The following IRAK2 variants were observed in gnomAD, a reference collection of about 807,000 sequenced individuals.
IRAK2 encodes interleukin 1 receptor associated kinase 2.
IRAK2 carries 57 observed loss-of-function variants against 72.0 expected under a neutral mutation model. The ratio of observed to expected loss-of-function variants is 0.79; its 90% CI spans 0.64 to 0.99. The LOEUF (loss-of-function observed/expected upper bound fraction) is 0.99, where lower values mean the gene tolerates loss of function less well. IRAK2 is among the 50% of genes least tolerant of loss of function. The probability of loss-of-function intolerance (pLI) is 0.00; values close to 1 mark genes in which losing one functional copy is unlikely to be tolerated. For synonymous variants in IRAK2, 293 were observed against 312.7 expected (o/e 0.94, Z 0.67); for missense variants, 790 against 794.4 (o/e 0.99, Z 0.07).
chr3:10,216,568 G>T (rs1380606395), intron 6 of IRAK2, among the ~76,000 whole-genome samples: 1 of 152,130 alleles, frequency 6.6e-6, no homozygotes. Context: ...AGCAGAAGAG[G>T]ATTTCAGGAA....
At chr3:10,189,326 T>TG (rs1697137047) in intron 2 of IRAK2, among the ~76,000 whole-genome samples, 1 of 152,052 alleles carries the variant, frequency 6.6e-6, no homozygotes, top group South Asian at 2.1e-4. Flanking sequence ...GGGCTGAGGC[T>TG]GGGGACAGGG....
At chr3:10,231,757 C>T (rs1171282414) in intron 10 of IRAK2, among the ~76,000 whole-genome samples, 2 of 152,162 alleles carry the variant, frequency 1.3e-5, no homozygotes, top group Non-Finnish European at 2.9e-5. Flanking sequence ...CTTAAGCATT[C>T]GCCTGCCTCA....
At chr3:10,182,524 G>A (rs1219015829) in intron 2 of IRAK2, among the ~76,000 whole-genome samples, 4 of 149,618 alleles carry the variant, frequency 2.7e-5, no homozygotes, top group Admixed American at 6.7e-5. Flanking sequence ...CACGTGATCC[G>A]CCCGCCTCGG....
chr3:10,205,461 GA>G (rs1295296689), intron 3 of IRAK2, among the ~76,000 whole-genome samples: 1 of 152,182 alleles, frequency 6.6e-6, no homozygotes, highest in Non-Finnish European at 1.5e-5. Context: ...CCCCCAAACT[GA>G]GAGGCCTGGG....
In IRAK2 at chr3:10,177,963, C is replaced by T. The variant is rs138669733; in HGVS notation, c.220C>T (p.Leu74Phe). 166 of 1,613,836 alleles carry T rather than the reference C, an allele frequency of 1.0e-4. No homozygotes were observed. The African/African-American group carries it at 2.0e-3, about 20-fold the overall frequency. The change falls in exon 2 of 13, where the codon CTT (leucine) becomes TTT (phenylalanine). Residue 74 changes from leucine (L) to phenylalanine (F), a missense_variant. Physicochemically the swap from Leu to Phe is conservative, Grantham distance 22. Coordinates refer to ENST00000256458, the MANE Select transcript of IRAK2 (RefSeq NM_001570.4). ...WGMRQATVQQ[L>F]VDLLCRLELY... ...CATGCGGCAGGCCACCGTCCAGCAA[C>T]TTGTGGACCTCCTGTGCCGCCTGGA...
chr3:10,215,751 T>TACACACACACACACACACACACAC (rs145978380), intron 6 of IRAK2, among the ~76,000 whole-genome samples: 2 of 150,026 alleles, frequency 1.3e-5, no homozygotes, highest in African/African-American at 4.9e-5. Context: ...CTCACATGTG[T>TACACACACACACACACACACACAC]ACACACACAC....
At chr3:10,226,229 T>C in intron 9 of IRAK2, 142 bp from the exon 10 acceptor site, 3 of 575,944 alleles carry the variant, frequency 5.2e-6, no homozygotes, top group Admixed American at 6.1e-5. Context: ...TATTCCCATG[T>C]TCCAGATTTT....
At chr3:10,213,043 C>T (rs780011845) in intron 4 of IRAK2, among the ~76,000 whole-genome samples, 164 bp from the exon 5 acceptor site, 6 of 152,126 alleles carry the variant, frequency 3.9e-5, no homozygotes, top group East Asian at 1.9e-4. Context: ...GCTGGGATTA[C>T]AGGCGTGAGC....
At chr3:10,206,964 C>T (rs889600720) in intron 3 of IRAK2, among the ~76,000 whole-genome samples, 4 of 151,996 alleles carry the variant, frequency 2.6e-5, no homozygotes, top group African/African-American at 9.7e-5. Context: ...AGCAATTCTC[C>T]TGCCTTAGCC....
chr3:10,196,702 G>A (rs1018263770), intron 2 of IRAK2, among the ~76,000 whole-genome samples: 3 of 152,242 alleles, frequency 2.0e-5, no homozygotes, highest in Non-Finnish European at 2.9e-5. Flanking sequence ...CTGCCTCAGT[G>A]CTGCCTGCCT....
chr3:10,231,337 G>A (rs1401535630), intron 10 of IRAK2, among the ~76,000 whole-genome samples: 2 of 152,050 alleles, frequency 1.3e-5, no homozygotes, highest in Non-Finnish European at 1.5e-5. Context: ...TGTGGCCCAG[G>A]CTGGAGTACA....
At chr3:10,183,198 G>T (rs1307667888) in intron 2 of IRAK2, among the ~76,000 whole-genome samples, 1 of 152,200 alleles carries the variant, frequency 6.6e-6, no homozygotes, top group African/African-American at 2.4e-5. Flanking sequence ...CAGGGGATGT[G>T]CCTGGATGTG....
At chr3:10,200,830 G>GCT in intron 3 of IRAK2, among the ~76,000 whole-genome samples, 1 of 152,376 alleles carries the variant, frequency 6.6e-6, no homozygotes, top group African/African-American at 2.4e-5. Context: ...GAGCCCAGGA[G>GCT]TGCAAGGCTG....
intron 6 of IRAK2, among the ~76,000 whole-genome samples, chr3:10,214,655 A>G (rs1575978575): frequency 6.6e-6 from 1 of 152,150 alleles, no homozygotes; most frequent in Admixed American, 6.5e-5. Context: ...GTTAAAAAAT[A>G]AAGAAAATTG....
chr3:10,239,794 G>T (rs1375918380), intron 12 of IRAK2, among the ~76,000 whole-genome samples: 1 of 152,040 alleles, frequency 6.6e-6, no homozygotes, highest in Admixed American at 6.6e-5. Flanking sequence ...GCCCCATGTG[G>T]TCTGTTCCTG....
At chr3:10,212,763 C>CTTTTT (rs543464447) in intron 4 of IRAK2, among the ~76,000 whole-genome samples, 3 of 125,984 alleles carry the variant, frequency 2.4e-5, no homozygotes, top group Non-Finnish European at 3.3e-5. Flanking sequence ...TATCCATGTC[C>CTTTTT]TTTTTTTTTT....
chr3:10,170,163 T>C (rs577221880), intron 1 of IRAK2, among the ~76,000 whole-genome samples: 1 of 152,316 alleles, frequency 6.6e-6, no homozygotes, highest in South Asian at 2.1e-4. Flanking sequence ...CTGTGGCTTA[T>C]GGCCCCTTCC....
chr3:10,188,013 G>A (rs375306838), intron 2 of IRAK2, among the ~76,000 whole-genome samples: 6 of 152,330 alleles, frequency 3.9e-5, no homozygotes, highest in African/African-American at 1.4e-4. Context: ...GGAGGGGACT[G>A]TGGGCCGGGC....
intron 11 of IRAK2, among the ~76,000 whole-genome samples, chr3:10,236,341 G>C (rs1479011419): frequency 8.0e-6 from 1 of 125,236 alleles, no homozygotes; most frequent in African/African-American, 3.1e-5. Context: ...GAGCCACTAA[G>C]GTTTTTTTTT....
Sources: gnomAD v4.1 joint callset for allele counts (sites outside exome capture counted in the v4.1 genomes callset) on GRCh38, gnomAD v4.1.1 for gene constraint, MANE v1.5 for transcripts, NCBI Gene and HGNC (gene_info 2026-07-23, HGNC 2026-07-21) for gene names.